The following TTC39B variants were observed in gnomAD, a reference collection of about 807,000 sequenced individuals.
The protein encoded by TTC39B is tetratricopeptide repeat domain 39B, also known as tetratricopeptide repeat protein 39B.
Under a neutral mutation model 96.6 loss-of-function variants are expected in TTC39B, and 92 were observed. The ratio of observed to expected loss-of-function variants is 0.95; its 90% confidence interval spans 0.80 to 1.13. TTC39B has a LOEUF of 1.13. TTC39B is among the 50% of genes most tolerant of loss of function. TTC39B has a pLI of 0.00. For missense variants in TTC39B, 955 were observed against 809.3 expected (o/e 1.18, Z -2.18); for synonymous variants, 367 against 299.4 (o/e 1.23, Z -2.33).
At chr9:15,219,813 C>T (rs1009552284) in intron 3 of TTC39B, among the ~76,000 whole-genome samples, 3 of 152,150 alleles carry the variant, frequency 2.0e-5, no homozygotes, top group African/African-American at 7.2e-5. Context: ...ATTCTCTCAG[C>T]GATGCAGTGA....
chr9:15,269,815 A>G (rs924177655), intron 1 of TTC39B, among the ~76,000 whole-genome samples: 1 of 148,344 alleles, frequency 6.7e-6, no homozygotes, highest in Non-Finnish European at 1.5e-5. Flanking sequence ...AGATCATGCC[A>G]TTGCACTCCA....
At chr9:15,289,827 G>C (rs1321751620) in intron 1 of TTC39B, among the ~76,000 whole-genome samples, 1 of 152,112 alleles carries the variant, frequency 6.6e-6, no homozygotes, top group Non-Finnish European at 1.5e-5. Flanking sequence ...GGAATGAATA[G>C]AAAATCAGGA....
At chr9:15,188,051 A>T (rs1210714691) in exon 14 of TTC39B, 4 of 1,612,484 alleles carry the variant, frequency 2.5e-6, no homozygotes, top group Non-Finnish European at 3.4e-6. Flanking sequence ...ACATTAATCC[A>T]CATTAGCTCC....
At chr9:15,241,246 G>A (rs978528640) in intron 2 of TTC39B, among the ~76,000 whole-genome samples, 1 of 150,712 alleles carries the variant, frequency 6.6e-6, no homozygotes, top group African/African-American at 2.4e-5. Flanking sequence ...TTTATCATGT[G>A]TTTTACATTT....
At chr9:15,249,897 A>T in intron 2 of TTC39B, 1 of 1,248,966 alleles carries the variant, frequency 8.0e-7, no homozygotes, top group Admixed American at 2.8e-5. Flanking sequence ...AGGAACTGCT[A>T]AATAAATATG....
intron 8 of TTC39B, among the ~76,000 whole-genome samples, chr9:15,199,404 A>G (rs542936426): frequency 6.6e-6 from 1 of 152,250 alleles, no homozygotes; most frequent in South Asian, 2.1e-4. Flanking sequence ...TACACACTCA[A>G]CAAAAAATTA....
At chr9:15,299,884 T>C (rs1365148901) in intron 1 of TTC39B, among the ~76,000 whole-genome samples, 1 of 152,120 alleles carries the variant, frequency 6.6e-6, no homozygotes, top group Admixed American at 6.5e-5. Context: ...AGCATATGTG[T>C]TACCCAGACT....
chr9:15,250,684 C>A (rs1389459829), intron 2 of TTC39B, among the ~76,000 whole-genome samples: 1 of 152,110 alleles, frequency 6.6e-6, no homozygotes, highest in African/African-American at 2.4e-5. Context: ...TTTGATGAAA[C>A]TAGAAGATAG....
intron 3 of TTC39B, among the ~76,000 whole-genome samples, chr9:15,214,741 A>G (rs1415013629): frequency 3.3e-5 from 5 of 152,194 alleles, no homozygotes; most frequent in Non-Finnish European, 7.3e-5. Context: ...GTCCTCATCT[A>G]TAATTAATAA....
rs78576209 is a variant in TTC39B, at chr9:15,200,031, A to C, written c.760-106T>G. On this transcript the variant is annotated intron_variant, in intron 7 of 19. Transcript: ENST00000512701. ...AGAAAAACAAAAACAAACAAACAAA[A>C]AAAAGTATTTTGAGGACATAATTTT... The C allele has an allele frequency of 3.8e-3, 2,232 of 594,852 alleles. 44 individuals are homozygous for C. In the African/African-American group the frequency reaches 0.039, roughly 11 times the overall value. 36.8% of individuals were successfully genotyped at this position (594,852 alleles called of 1,614,324 possible).
chr9:15,256,466 T>A (rs116632276), intron 2 of TTC39B, among the ~76,000 whole-genome samples: 38 of 152,308 alleles, frequency 2.5e-4, no homozygotes, highest in African/African-American at 8.7e-4. Context: ...GCACCTACTA[T>A]GTGACAAGCA....
In TTC39B at chr9:15,188,465, C is replaced by T. The variant is rs117240041; in HGVS notation, c.1234-333G>A. 5.4e-3 allele frequency among the ~76,000 whole-genome samples: 828 copies of T among 152,156 alleles called. 6 individuals carry two copies. Among genetic ancestry groups the T allele is most frequent in the Non-Finnish European group, 8.3e-3 (563 of 68,002 alleles). The stretch of plus-strand genomic sequence containing the variant: ...AAAACACTGTAGGCAGAGTTACAGG[C>T]AACAGACAGGAAGAAGATGTCACTA... On this transcript the variant is annotated intron_variant, in intron 13 of 19. Transcript: ENST00000512701.
intron 1 of TTC39B, among the ~76,000 whole-genome samples, chr9:15,305,586 T>G (rs1231320795): frequency 6.6e-6 from 1 of 151,924 alleles, no homozygotes; most frequent in Non-Finnish European, 1.5e-5. Flanking sequence ...CAACAAATAT[T>G]TATTTACCAA....
At chr9:15,209,959 G>T in intron 6 of TTC39B, 129 bp downstream of exon 6, 1 of 677,764 alleles carries the variant, frequency 1.5e-6, no homozygotes, top group East Asian at 2.8e-5. Flanking sequence ...ATTTCTTCCA[G>T]AGGGTGAGTA....
At chr9:15,250,808 T>C (rs1822501218) in intron 2 of TTC39B, among the ~76,000 whole-genome samples, 1 of 152,380 alleles carries the variant, frequency 6.6e-6, no homozygotes, top group East Asian at 1.9e-4. Context: ...AGGTGGTCGT[T>C]GACTTCACAA....
chr9:15,277,651 C>T (rs1401536987), intron 1 of TTC39B, among the ~76,000 whole-genome samples: 3 of 152,166 alleles, frequency 2.0e-5, no homozygotes, highest in Non-Finnish European at 2.9e-5. Flanking sequence ...CTCCAGCCTC[C>T]TCATGAGTAA....
chr9:15,272,059 C>T (rs116161426), intron 1 of TTC39B, among the ~76,000 whole-genome samples: 5,136 of 152,238 alleles, frequency 0.034, 280 homozygotes, highest in African/African-American at 0.12. Flanking sequence ...CATATCCCTA[C>T]AGAAAGACCA....
intron 15 of TTC39B, among the ~76,000 whole-genome samples, chr9:15,186,349 A>G (rs573017280): frequency 6.6e-6 from 1 of 152,322 alleles, no homozygotes; most frequent in Admixed American, 6.5e-5. Context: ...TGTCTCAGAC[A>G]GGAACCCTTG....
Position 15,306,713 on chromosome 9 carries a change from AG to A in TTC39B, c.240+370del, listed in dbSNP as rs576529570. On this transcript the variant is annotated intron_variant, in intron 1 of 19. Coordinates refer to ENST00000512701, the Ensembl canonical transcript of TTC39B. The surrounding 1 kb of genome is among the most constrained non-coding windows in gnomAD (Gnocchi z 5.1). Reference sequence around the variant, plus strand: ...CCCAGAGAGCCAGTGCCAGGACTTCAGGGTCAGACTTCGTAAAGCCCAGGCG... The same window carrying A: ...CCCAGAGAGCCAGTGCCAGGACTTCAGGTCAGACTTCGTAAAGCCCAGGCG... Among the ~76,000 whole-genome samples the A allele has an allele frequency of 6.6e-5, 10 of 152,342 alleles. No individual in the cohort carries two copies. The highest frequency in any genetic ancestry group is 2.4e-4 in the African/African-American group (10 of 41,590).
Sources: allele counts gnomAD v4.1 joint callset (sites outside exome capture counted in the v4.1 genomes callset), GRCh38; gene constraint gnomAD v4.1.1; non-coding constraint Gnocchi (gnomAD v3.1); transcripts MANE v1.5; gene names NCBI Gene and HGNC (gene_info 2026-07-23, HGNC 2026-07-21).